Variants in DDR1 observed in about 807,000 individuals in gnomAD.
DDR1 encodes epithelial discoidin domain-containing receptor 1.
In DDR1, 64 loss-of-function variants were observed where a neutral mutation model predicts 97.4. That is an observed-to-expected ratio of 0.66 (90% CI 0.54 to 0.81). The LOEUF (loss-of-function observed/expected upper bound fraction) is 0.81. Ranked by LOEUF, DDR1 falls within the 30% of genes least tolerant of loss-of-function variation. DDR1 has a pLI of 0.00. For missense variants in DDR1, 990 were observed against 1,259.6 expected, an observed-to-expected ratio of 0.79 and a Z score of 3.24; for synonymous variants, 458 against 503.7, an observed-to-expected ratio of 0.91 and a Z score of 1.21.
rs747269285 is a variant in DDR1, at chr6:30,894,607, G to A, written c.1449G>A (p.Pro483=). 1.2e-5 allele frequency: 20 copies of A among 1,613,102 alleles called. No homozygotes were observed. The highest frequency in any genetic ancestry group is 4.4e-5 in the South Asian group (4 of 90,902). Residue 483 remains proline, a synonymous_variant, in exon 11 of 18, where the codon CCG becomes CCA. Transcript: ENST00000376568. This position sits in a 1 kb window ranked among gnomAD's most constrained non-coding sequence, Gnocchi z 5.7. ...GCCCAGGTCCTAGAGAGCCACCCCC[G>A]TACCAGGAGCCCCGGCCTCGTGGGA... ...NNRPGPREPP[P]YQEPRPRGNP...
At chr6:30,893,452 CG>C (rs1789424254) in intron 10 of DDR1, 29 bp downstream of exon 10, 2 of 1,583,092 alleles carry the variant, frequency 1.3e-6, no homozygotes, top group Non-Finnish European at 1.7e-6. Context: ...TGTGGAGTGG[CG>C]GGGGGAGGCC....
rs749065685 is a variant in DDR1, at chr6:30,891,116, G to T, written c.561G>T (p.Trp187Cys). 15 of 1,612,814 alleles carry T rather than the reference G, an allele frequency of 9.3e-6. No individual in the cohort carries two copies. Among genetic ancestry groups the T allele is most frequent in the Non-Finnish European group, 1.3e-5 (15 of 1,180,000 alleles). The change falls in exon 5 of 18, where the codon TGG (tryptophan) becomes TGT (cysteine). Residue 187 changes from tryptophan (W) to cysteine (C), a missense_variant. Transcript: ENST00000376568. The surrounding 1 kb of genome is among the most constrained non-coding windows in gnomAD (Gnocchi z 5.3). ...CLRVELYGCL[W>C]RDGLLSYTAP... is the part of the protein sequence containing the mutation. The stretch of plus-strand genomic sequence containing the variant: ...GGGTAGAGCTCTATGGCTGCCTCTG[G>T]AGGGGTGAGTGGCTCAGCTTCCTGG...
chr6:30,891,170 G>A lies in DDR1; in HGVS notation c.565+50G>A. On this transcript the variant is annotated intron_variant, in intron 5 of 17. Transcript: ENST00000376568. The surrounding 1 kb of genome is among the most constrained non-coding windows in gnomAD (Gnocchi z 5.3). The stretch of plus-strand genomic sequence containing the variant: ...TCTGTTTCCTGAGCAGGGGACTGGA[G>A]GGTGGGGAGTGTGGAGAATGGGCAT... 10 of 1,607,560 alleles carry A rather than the reference G, an allele frequency of 6.2e-6. No individual in the cohort carries two copies. Among genetic ancestry groups the A allele is most frequent in the African/African-American group, 1.3e-5 (1 of 74,946 alleles).
intron 1 of DDR1, among the ~76,000 whole-genome samples, chr6:30,887,619 G>A (rs1786357089): frequency 6.6e-6 from 1 of 151,980 alleles, no homozygotes; most frequent in Non-Finnish European, 1.5e-5. Context: ...TTGCCTCTTT[G>A]TTACTTTTCA....
rs1457801016 is a variant in DDR1, at chr6:30,899,032, C to G, written c.2596C>G (p.Arg866Gly). 6.2e-7 allele frequency: 1 copy of G among 1,614,096 alleles called. No homozygotes were observed. Among genetic ancestry groups the G allele is most frequent in the Admixed American group, 1.7e-5 (1 of 60,028 alleles). The stretch of plus-strand genomic sequence containing the variant: ...GGGGGAGTTCTTCCGGGACCAGGGC[C>G]GGCAGGTCAGAGTGGAGGAGAGGGA... ...NAGEFFRDQG[R>G]QVYLSRPPAC... The change falls in exon 17 of 18, where the codon CGG becomes GGG. Residue 866 changes from arginine (R) to glycine (G), a missense_variant. Arg to Gly is a moderately radical substitution (Grantham distance 125). Coordinates refer to ENST00000376568, the MANE Select transcript of DDR1 (RefSeq NM_001297654.2).
rs1474714004 is a variant in DDR1 at position 30,894,016 on chromosome 6, G to A, written c.1348-490G>A. 2.6e-5 allele frequency among the ~76,000 whole-genome samples: 4 copies of A among 152,140 alleles called. No individual in the cohort carries two copies. The highest frequency in any genetic ancestry group is 4.8e-5 in the African/African-American group (2 of 41,422). On this transcript the variant is annotated intron_variant, in intron 10 of 17. Coordinates refer to ENST00000376568, the MANE Select transcript of DDR1 (RefSeq NM_001297654.2). The surrounding 1 kb of genome is among the most constrained non-coding windows in gnomAD (Gnocchi z 5.7). ...TGTAATCCTAGCACTTTGGGAGGCCGAGGCGGGAGGATCACCTGAGGTCAA... is the reference window on the plus strand; with the variant it reads ...TGTAATCCTAGCACTTTGGGAGGCCAAGGCGGGAGGATCACCTGAGGTCAA...
At chr6:30,898,356 A>G (rs1485776157) in intron 16 of DDR1, 49 bp downstream of exon 16, 1 of 1,345,432 alleles carries the variant, frequency 7.4e-7, no homozygotes, top group Non-Finnish European at 1.0e-6. Flanking sequence ...GTGGGAGAAC[A>G]CTGGCCGCCA....
At chr6:30,893,251 T>G (rs764108148) in intron 9 of DDR1, 21 bp from the exon 10 acceptor site, 2 of 1,601,906 alleles carry the variant, frequency 1.2e-6, no homozygotes, top group Non-Finnish European at 1.7e-6. Flanking sequence ...CCTGTGGTGC[T>G]GACCCTGCTG....
intron 11 of DDR1, 84 bp from the exon 12 acceptor site, chr6:30,895,320 T>C: frequency 1.0e-6 from 1 of 976,756 alleles, no homozygotes; most frequent in Non-Finnish European, 1.6e-6. Flanking sequence ...TCAGCCCTGG[T>C]CTTGCCCTAT....
intron 1 of DDR1, chr6:30,885,569 C>G (rs1439043089): frequency 4.3e-6 from 6 of 1,409,942 alleles, no homozygotes; most frequent in African/African-American, 1.4e-5. Flanking sequence ...GTGTGTGTGT[C>G]TCATGCTGTC....
At chr6:30,885,187 G>T in intron 1 of DDR1, 2 of 1,531,358 alleles carry the variant, frequency 1.3e-6, no homozygotes, top group Non-Finnish European at 1.7e-6. Flanking sequence ...CACTCTTCCC[G>T]GCTGGATGGT....
intron 12 of DDR1, among the ~76,000 whole-genome samples, chr6:30,895,753 C>T (rs1264318): frequency 1.3e-5 from 2 of 152,126 alleles, no homozygotes; most frequent in African/African-American, 2.4e-5. Flanking sequence ...TCTCCCTCCT[C>T]CTCTTCCACG....
chr6:30,888,460 C>T lies in DDR1; in HGVS notation c.-42-228C>T, dbSNP rs1786700618. 3 of 567,954 alleles carry T rather than the reference C, an allele frequency of 5.3e-6. No homozygotes were observed. The highest frequency in any genetic ancestry group is 6.4e-5 in the Admixed American group (2 of 31,098). 35.2% of individuals were successfully genotyped at this position (567,954 alleles called of 1,614,324 possible). A position where few individuals can be genotyped will look rare whatever the true frequency, so the allele number is the denominator to read the frequency against. On this transcript the variant is annotated intron_variant, in intron 1 of 17. Coordinates refer to ENST00000376568, the MANE Select transcript of DDR1 (RefSeq NM_001297654.2). The surrounding 1 kb of genome is among the most constrained non-coding windows in gnomAD (Gnocchi z 4.2). Reference sequence around the variant, plus strand: ...TGTTAAATATGGATAGTAATAGTATCTACCTTATGAAGTGACTGTGAAGAT... The same window carrying T: ...TGTTAAATATGGATAGTAATAGTATTTACCTTATGAAGTGACTGTGAAGAT...
At position 30,888,738 on chromosome 6, in the gene DDR1, A is replaced by G. The variant is rs760792769; in HGVS notation, c.9A>G (p.Pro3=). MG[P]EALSSLLLLL... ...CCGAGGGATCAGGAGCTATGGGACC[A>G]GAGGCCCTGTCATCTTTACTGCTGC... Residue 3 remains proline (P), a synonymous_variant, in exon 2 of 18, where the codon CCA becomes CCG. Coordinates refer to ENST00000376568, the MANE Select transcript of DDR1 (RefSeq NM_001297654.2). This position sits in a 1 kb window ranked among gnomAD's most constrained non-coding sequence, Gnocchi z 4.2. 15 of 1,612,650 alleles carry G rather than the reference A, an allele frequency of 9.3e-6. No individual in the cohort carries two copies. The highest frequency in any genetic ancestry group is 1.3e-5 in the Non-Finnish European group (15 of 1,179,978).
Position 30,889,908 on chromosome 6 carries a change from T to C in DDR1, c.417+478T>C, listed in dbSNP as rs570740493. ...TTAAGATGATATCCTTGATTCCTTTTTTTCTCTCACCTCCTTCCAAAGCAT... is the reference window on the plus strand; with the variant it reads ...TTAAGATGATATCCTTGATTCCTTTCTTTCTCTCACCTCCTTCCAAAGCAT... On this transcript the variant is annotated intron_variant, in intron 4 of 17. Transcript: ENST00000376568. The surrounding 1 kb of genome is among the most constrained non-coding windows in gnomAD (Gnocchi z 4.9). 3.5e-4 allele frequency among the ~76,000 whole-genome samples: 54 copies of C among 152,262 alleles called. No individual in the cohort carries two copies. The highest frequency in any genetic ancestry group is 1.1e-3 in the African/African-American group (46 of 41,542).
chr6:30,899,362 A>T lies in DDR1; in HGVS notation c.*66A>T. 6.5e-7 allele frequency: 1 copy of T among 1,546,558 alleles called. No homozygotes were observed. The highest frequency in any genetic ancestry group is 8.7e-7 in the Non-Finnish European group (1 of 1,143,802). ...GGGAAGCCAGTGACACTAAAACAAG[A>T]GGACACAATGGCACCTCTGCCCTTC... On this transcript the variant is annotated 3_prime_UTR_variant, in exon 18 of 18. Coordinates refer to ENST00000376568, the MANE Select transcript of DDR1 (RefSeq NM_001297654.2).
At position 30,892,319 on chromosome 6, in the gene DDR1, G is replaced by T. The variant is rs770176962; in HGVS notation, c.876G>T (p.Thr292=). The T allele has an allele frequency of 1.3e-6, 2 of 1,573,698 alleles. No individual in the cohort carries two copies. The highest frequency in any genetic ancestry group is 8.6e-7 in the Non-Finnish European group (1 of 1,158,652). ...AGGTCCACTGTAACAACATGCACAC[G>T]CTGGGAGCCCGTCTGCCTGGCGGGG... ...AMQVHCNNMH[T]LGARLPGGVE... is the part of the protein sequence containing the mutation. Residue 292 remains threonine, a synonymous_variant, in exon 8 of 18, where the codon ACG becomes ACT. Transcript: ENST00000376568.
At position 30,894,905 on chromosome 6, in the gene DDR1, ATCTC is replaced by A. The variant is rs1319411766; in HGVS notation, c.1513+238_1513+241del. ...GCTATCTTGTCTGTGTCCCACAGAC[ATCTC>A]TCTATCTTTGTTGTACCCTCTCATT... is the stretch of plus-strand genomic sequence containing the variant. On this transcript the variant is annotated intron_variant, in intron 11 of 17. Coordinates refer to ENST00000376568, the MANE Select transcript of DDR1 (RefSeq NM_001297654.2). This position sits in a 1 kb window ranked among gnomAD's most constrained non-coding sequence, Gnocchi z 5.7. Among the ~76,000 whole-genome samples, 1 of 151,948 alleles carries A rather than the reference ATCTC, an allele frequency of 6.6e-6. No individual in the cohort carries two copies. The highest frequency in any genetic ancestry group is 1.5e-5 in the Non-Finnish European group (1 of 67,976).
rs557146663 is a variant in DDR1, at chr6:30,890,170, C to T, written c.417+740C>T. On this transcript the variant is annotated intron_variant, in intron 4 of 17. Coordinates refer to ENST00000376568, the MANE Select transcript of DDR1 (RefSeq NM_001297654.2). This position sits in a 1 kb window ranked among gnomAD's most constrained non-coding sequence, Gnocchi z 5.0. ...TCAGATACGTCACACCTAGCTGACA[C>T]CCCCATGCTGGCTTTCCACTCTGCC... Among the ~76,000 whole-genome samples, 1 of 152,286 alleles carries T rather than the reference C, an allele frequency of 6.6e-6. No individual in the cohort carries two copies. Among genetic ancestry groups the T allele is most frequent in the South Asian group, 2.1e-4 (1 of 4,816 alleles).
Sources: gnomAD v4.1 joint callset for allele counts (sites outside exome capture counted in the v4.1 genomes callset) on GRCh38, gnomAD v4.1.1 for gene constraint, Gnocchi (gnomAD v3.1) non-coding constraint, MANE v1.5 for transcripts, NCBI Gene and HGNC (gene_info 2026-07-23, HGNC 2026-07-21) for gene names.